The following ASAP2 variants were observed in gnomAD, a reference collection of about 807,000 sequenced individuals.
ASAP2 encodes ArfGAP with SH3 domain, ankyrin repeat and PH domain 2, also known as arf-GAP with SH3 domain, ANK repeat and PH domain-containing protein 2.
ASAP2 carries 45 observed loss-of-function variants against 131.4 expected under a neutral mutation model. The ratio of observed to expected loss-of-function variants is 0.34; its 90% CI spans 0.27 to 0.44. ASAP2 has a LOEUF of 0.44. Ranked by LOEUF, ASAP2 falls within the 20% of genes least tolerant of loss-of-function variation. ASAP2 has a pLI of 1.00. For synonymous variants in ASAP2, 510 were observed against 503.0 expected (o/e 1.01, Z -0.19); for missense variants, 1,011 against 1,297.0 (o/e 0.78, Z 3.39).
At chr2:9,260,952 G>C (rs759724320) in intron 1 of ASAP2, among the ~76,000 whole-genome samples, 1 of 152,158 alleles carries the variant, frequency 6.6e-6, no homozygotes, top group Non-Finnish European at 1.5e-5. Context: ...TGGTTAGGGG[G>C]GTTGTGCCTG....
chr2:9,245,266 A>G (rs1558261937), intron 1 of ASAP2, among the ~76,000 whole-genome samples: 1 of 152,140 alleles, frequency 6.6e-6, no homozygotes, highest in Non-Finnish European at 1.5e-5. Context: ...TGTTGGTGTG[A>G]CTATCGAATT....
intron 3 of ASAP2, among the ~76,000 whole-genome samples, chr2:9,298,862 C>G (rs1668317236): frequency 6.6e-6 from 1 of 152,104 alleles, no homozygotes; most frequent in South Asian, 2.1e-4. Flanking sequence ...TGAGCAGCCT[C>G]CAGCATGAGG....
At chr2:9,359,222 A>G (rs970594011) in intron 15 of ASAP2, among the ~76,000 whole-genome samples, 1 of 152,230 alleles carries the variant, frequency 6.6e-6, no homozygotes, top group Non-Finnish European at 1.5e-5. Context: ...GCAACGTCTA[A>G]AGACAGGAAA....
At chr2:9,353,279 T>A (rs1311468864) in intron 12 of ASAP2, among the ~76,000 whole-genome samples, 1 of 151,220 alleles carries the variant, frequency 6.6e-6, no homozygotes, top group Admixed American at 6.6e-5. Context: ...TTGAACTGCC[T>A]GGGTGGGCCA....
chr2:9,375,537 A>G (rs1312116168), intron 17 of ASAP2, among the ~76,000 whole-genome samples: 2 of 152,212 alleles, frequency 1.3e-5, no homozygotes, highest in African/African-American at 2.4e-5. Flanking sequence ...AGGCTCATCC[A>G]TTTTTAATGG....
chr2:9,355,048 CT>C (rs1386746370), intron 12 of ASAP2, among the ~76,000 whole-genome samples: 1 of 152,192 alleles, frequency 6.6e-6, no homozygotes, highest in East Asian at 1.9e-4. Flanking sequence ...CCTCCCCTAG[CT>C]TTCCCTTCTG....
rs993500759 is a variant in ASAP2 at position 9,214,531 on chromosome 2, C to T, written c.126+7301C>T. Among the ~76,000 whole-genome samples, 7 of 151,834 alleles carry T rather than the reference C, an allele frequency of 4.6e-5. No individual in the cohort carries two copies. In the East Asian group the frequency reaches 7.7e-4, roughly 17 times the overall value. On this transcript the variant is annotated intron_variant, in intron 1 of 27. Coordinates refer to ENST00000281419, the MANE Select transcript of ASAP2 (RefSeq NM_003887.3). ...CTGGGATTATAGGCGTGAGCCGCTG[C>T]GCCCGGCTGCCTTTCCAGGTGCTTT...
chr2:9,359,819 A>C (rs1266457343), intron 15 of ASAP2, among the ~76,000 whole-genome samples: 1 of 152,202 alleles, frequency 6.6e-6, no homozygotes, highest in Non-Finnish European at 1.5e-5. Context: ...TCTTTCTAGG[A>C]ATTCCTTTAT....
chr2:9,291,545 C>T (rs900010056), intron 2 of ASAP2, among the ~76,000 whole-genome samples: 1 of 152,190 alleles, frequency 6.6e-6, no homozygotes, highest in Non-Finnish European at 1.5e-5. Flanking sequence ...ACATTCGTGT[C>T]GTGACACACA....
At chr2:9,350,751 T>G in intron 11 of ASAP2, 57 bp from the exon 12 acceptor site, 1 of 1,470,266 alleles carries the variant, frequency 6.8e-7, no homozygotes. Flanking sequence ...TACTGTATGA[T>G]TTTCCATTCC....
At chr2:9,316,678 C>T (rs997660049) in intron 3 of ASAP2, among the ~76,000 whole-genome samples, 3 of 152,184 alleles carry the variant, frequency 2.0e-5, no homozygotes, top group Non-Finnish European at 4.4e-5. Context: ...CTTGAAGGCT[C>T]TTCCTGACTG....
chr2:9,234,512 C>G (rs920277228), intron 1 of ASAP2, among the ~76,000 whole-genome samples: 2 of 152,164 alleles, frequency 1.3e-5, no homozygotes, highest in African/African-American at 2.4e-5. Flanking sequence ...GGAGAGATCA[C>G]TTCCTGCTGG....
chr2:9,296,185 C>G (rs72775207), intron 2 of ASAP2, among the ~76,000 whole-genome samples: 28,166 of 152,146 alleles, frequency 0.19, 3,231 homozygotes, highest in Non-Finnish European at 0.27. Context: ...TCCAGTTGAA[C>G]TGATGAAAAC....
chr2:9,286,447 A>AAAAAATATAT (rs58605449), intron 2 of ASAP2, among the ~76,000 whole-genome samples: 4 of 148,490 alleles, frequency 2.7e-5, no homozygotes, highest in African/African-American at 1.0e-4. Context: ...GAAAAAAAAA[A>AAAAAATATAT]ATATATATAT....
rs1253864329 is a variant in ASAP2 at position 9,221,333 on chromosome 2, T to C, written c.126+14103T>C. 3.3e-5 allele frequency among the ~76,000 whole-genome samples: 5 copies of C among 151,116 alleles called. 1 individual carries two copies. Among genetic ancestry groups the C allele is most frequent in the Admixed American group, 2.6e-4 (4 of 15,204 alleles). ...ATTTTCTTTTCTTTTCTTTTTTTTTTTTTTTTGAGACGGAATTTTCCTCTG... is the reference window on the plus strand; with the variant it reads ...ATTTTCTTTTCTTTTCTTTTTTTTTCTTTTTTGAGACGGAATTTTCCTCTG... On this transcript the variant is annotated intron_variant, in intron 1 of 27. Coordinates refer to ENST00000281419, the MANE Select transcript of ASAP2 (RefSeq NM_003887.3).
chr2:9,318,461 C>G, intron 3 of ASAP2, 63 bp from the exon 4 acceptor site: 1 of 1,221,502 alleles, frequency 8.2e-7, no homozygotes, highest in Non-Finnish European at 1.2e-6. Flanking sequence ...AATGTCCTTG[C>G]TGTCCTTACT....
At chr2:9,363,130 C>G (rs907419746) in intron 15 of ASAP2, among the ~76,000 whole-genome samples, 1 of 152,158 alleles carries the variant, frequency 6.6e-6, no homozygotes, top group East Asian at 1.9e-4. Context: ...GACAGAATGT[C>G]CTTTTTTTCA....
chr2:9,400,977 G>C, intron 26 of ASAP2, 147 bp downstream of exon 26: 1 of 878,744 alleles, frequency 1.1e-6, no homozygotes, highest in Admixed American at 2.5e-5. Flanking sequence ...GCTTGGATCT[G>C]GGCAGCTGGT....
chr2:9,292,060 C>T (rs1667849604), intron 2 of ASAP2, among the ~76,000 whole-genome samples: 1 of 152,116 alleles, frequency 6.6e-6, no homozygotes, highest in South Asian at 2.1e-4. Context: ...ACTGTGTGAC[C>T]TTGAGCAAGT....
Sources: gnomAD v4.1 joint callset for allele counts (sites outside exome capture counted in the v4.1 genomes callset) on GRCh38, gnomAD v4.1.1 for gene constraint, MANE v1.5 for transcripts, NCBI Gene and HGNC (gene_info 2026-07-23, HGNC 2026-07-21) for gene names.